JPH3: variants seen among roughly 807,000 people sequenced by gnomAD.
JPH3 encodes junctophilin-3.
A neutral mutation model predicts 59.6 loss-of-function variants in JPH3; 11 were observed. The ratio of observed to expected loss-of-function variants is 0.18; its 90% CI spans 0.12 to 0.31. The LOEUF (loss-of-function observed/expected upper bound fraction) is 0.31. JPH3 is among the 10% of genes least tolerant of loss of function. The pLI is 1.00. For synonymous variants in JPH3, 673 were observed against 483.6 expected, an observed-to-expected ratio of 1.39 and a Z score of -5.14; for missense variants, 1,202 against 1,105.7, an observed-to-expected ratio of 1.09 and a Z score of -1.24.
At chr16:87,606,296 G>A (rs1475478884) in intron 1 of JPH3, among the ~76,000 whole-genome samples, 4 of 152,260 alleles carry the variant, frequency 2.6e-5, no homozygotes, top group Admixed American at 2.0e-4. Flanking sequence ...AGCTCTGGGC[G>A]CTGACTTGGG....
Position 87,644,575 on chromosome 16 carries a change from C to G in JPH3, c.700C>G (p.Leu234Val), listed in dbSNP as rs1200012704. The change falls in exon 2 of 5, where the codon CTG (leucine) becomes GTG (valine). Residue 234 changes from leucine (L) to valine (V), a missense_variant. Leu to Val is a conservative substitution (Grantham distance 32). Transcript: ENST00000284262. ...GCGCAAGTCGGAGTCCAAGAGCAGC[C>G]TGGCCAGCCAACGCAGCAAGCAGAG... ...KLRKSESKSS[L>V]ASQRSKQSSF... 1 of 1,612,936 alleles carries G rather than the reference C, an allele frequency of 6.2e-7. No individual in the cohort carries two copies.
In JPH3 at chr16:87,696,918, C is replaced by A. The variant is rs556130391; in HGVS notation, c.*258C>A. The stretch of plus-strand genomic sequence containing the variant: ...TGGCAGAAGGAGGCCAGCACGCAGC[C>A]CCTCCAGCTCCACGTGGAGACAGAA... On this transcript the variant is annotated 3_prime_UTR_variant, in exon 5 of 5. Transcript: ENST00000284262. 1 of 463,750 alleles carries A rather than the reference C, an allele frequency of 2.2e-6. No homozygotes were observed. The highest frequency in any genetic ancestry group is 2.1e-5 in the South Asian group (1 of 46,704). The allele number at this position is 463,750 out of a possible 1,614,324, so 28.7% of individuals were successfully genotyped here. A position where few individuals can be genotyped will look rare whatever the true frequency, so the allele number is the denominator to read the frequency against.
At chr16:87,655,797 G>C (rs1228768134) in intron 2 of JPH3, among the ~76,000 whole-genome samples, 1 of 152,252 alleles carries the variant, frequency 6.6e-6, no homozygotes, top group Non-Finnish European at 1.5e-5. Flanking sequence ...GCCATCTCAT[G>C]GTCCCTGCGT....
intron 4 of JPH3, 104 bp downstream of exon 4, chr16:87,690,630 C>T: frequency 9.8e-6 from 12 of 1,218,860 alleles, no homozygotes; most frequent in Admixed American, 3.5e-5. Context: ...CTCCCCTGTT[C>T]CTCTCCAGGG....
intron 2 of JPH3, among the ~76,000 whole-genome samples, chr16:87,650,944 G>A (rs1467301345): frequency 6.6e-6 from 1 of 152,256 alleles, no homozygotes; most frequent in African/African-American, 2.4e-5. Flanking sequence ...CGATGGAACA[G>A]CTTTCTATTG....
rs140676785 is a variant in JPH3, at chr16:87,644,688, C to G, written c.813C>G (p.Ala271=). 1 of 1,612,096 alleles carries G rather than the reference C, an allele frequency of 6.2e-7. No individual in the cohort carries two copies. The highest frequency in any genetic ancestry group is 8.5e-7 in the Non-Finnish European group (1 of 1,179,918). Residue 271 remains alanine, a synonymous_variant, in exon 2 of 5, where the codon GCC becomes GCG. Transcript: ENST00000284262. ...CCATCAGCCTGGGCGAGGCTGAGGCCGAGCTGGCGGTCATCGAGGACGACA... is the reference window on the plus strand; with the variant it reads ...CCATCAGCCTGGGCGAGGCTGAGGCGGAGCTGGCGGTCATCGAGGACGACA... ...HSTISLGEAE[A]ELAVIEDDID... is the part of the protein sequence containing the mutation.
At chr16:87,605,476 C>G (rs912552749) in intron 1 of JPH3, among the ~76,000 whole-genome samples, 3 of 152,188 alleles carry the variant, frequency 2.0e-5, no homozygotes, top group Non-Finnish European at 4.4e-5. Context: ...TTTGCCCTCA[C>G]GGAGCTTACA....
intron 1 of JPH3, among the ~76,000 whole-genome samples, chr16:87,618,388 G>A (rs1371210417): frequency 6.6e-6 from 1 of 152,152 alleles, no homozygotes; most frequent in East Asian, 1.9e-4. Context: ...GGCAGGATGA[G>A]GACACAACAC....
chr16:87,632,885 T>G (rs569326165), intron 1 of JPH3, among the ~76,000 whole-genome samples: 26 of 150,218 alleles, frequency 1.7e-4, no homozygotes, highest in African/African-American at 6.0e-4. Context: ...AGAGCTGGAC[T>G]CTGTCTCAAA....
chr16:87,647,350 C>T lies in JPH3; in HGVS notation c.1160+2315C>T, dbSNP rs567531136. 2.6e-5 allele frequency among the ~76,000 whole-genome samples: 4 copies of T among 152,018 alleles called. No homozygotes were observed. The South Asian group carries it at 8.3e-4, about 32-fold the overall frequency. On this transcript the variant is annotated intron_variant, in intron 2 of 4. Coordinates refer to ENST00000284262, the MANE Select transcript of JPH3 (RefSeq NM_020655.4). ...TGGCATGGCCAGCATCCCTGTGTCT[C>T]CTGGGGAGGCATTTTACTTAATGGA... is the stretch of plus-strand genomic sequence containing the variant.
At chr16:87,633,779 C>T (rs1835078) in intron 1 of JPH3, among the ~76,000 whole-genome samples, 25,863 of 151,834 alleles carry the variant, frequency 0.17, 2,447 homozygotes, top group Non-Finnish European at 0.22. Flanking sequence ...GCCTGGGCGA[C>T]AGAATGAGAC....
At chr16:87,651,932 G>T (rs2032335646) in intron 2 of JPH3, among the ~76,000 whole-genome samples, 1 of 152,132 alleles carries the variant, frequency 6.6e-6, no homozygotes, top group Non-Finnish European at 1.5e-5. Context: ...GAAATCTTTT[G>T]TGAAAGGAAG....
At chr16:87,669,291 C>A (rs899152443) in intron 2 of JPH3, among the ~76,000 whole-genome samples, 1 of 152,180 alleles carries the variant, frequency 6.6e-6, no homozygotes, top group Non-Finnish European at 1.5e-5. Flanking sequence ...GATGGGGTTG[C>A]TGAGTGAGGC....
At chr16:87,658,207 G>T (rs2032571855) in intron 2 of JPH3, among the ~76,000 whole-genome samples, 1 of 152,168 alleles carries the variant, frequency 6.6e-6, no homozygotes, top group Non-Finnish European at 1.5e-5. Context: ...CTACTATAGC[G>T]ACCTCCTGAG....
At position 87,696,565 on chromosome 16, in the gene JPH3, C is replaced by G; in HGVS notation, c.2167-15C>G. On this transcript the variant is annotated splice_polypyrimidine_tract_variant and intron_variant, in intron 4 of 4. Transcript: ENST00000284262. Reference sequence around the variant, plus strand: ...CCGCAGCTGTCGCTCACCTCTTCCCCTCGCTCTCTTCCAGGGCTCAGCGCC... The same window carrying G: ...CCGCAGCTGTCGCTCACCTCTTCCCGTCGCTCTCTTCCAGGGCTCAGCGCC... The G allele has an allele frequency of 6.2e-7, 1 of 1,611,390 alleles. No individual in the cohort carries two copies. The highest frequency in any genetic ancestry group is 1.1e-5 in the South Asian group (1 of 91,052).
At position 87,644,596 on chromosome 16, in the gene JPH3, C is replaced by G. The variant is rs1304207588; in HGVS notation, c.721C>G (p.Gln241Glu). The part of the protein sequence containing the change: ...KSSLASQRSK[Q>E]SSFRSEAGMS... ...CAGCCTGGCCAGCCAACGCAGCAAG[C>G]AGAGCTCCTTTCGCAGCGAGGCGGG... Residue 241 changes from glutamine to glutamate, a missense_variant, in exon 2 of 5, where the codon CAG (glutamine) becomes GAG (glutamate). By Grantham distance (29) the Gln-to-Glu change is conservative (BLOSUM62 2). Transcript: ENST00000284262. The G allele has an allele frequency of 6.2e-7, 1 of 1,612,992 alleles. No homozygotes were observed. Among genetic ancestry groups the G allele is most frequent in the Non-Finnish European group, 8.5e-7 (1 of 1,179,882 alleles).
At chr16:87,638,689 G>C (rs1312013714) in intron 1 of JPH3, among the ~76,000 whole-genome samples, 1 of 152,114 alleles carries the variant, frequency 6.6e-6, no homozygotes, top group Admixed American at 6.5e-5. Flanking sequence ...TGCTGAGAAT[G>C]AGCCAGTGTT....
intron 1 of JPH3, among the ~76,000 whole-genome samples, chr16:87,620,747 G>A (rs749146864): frequency 2.0e-5 from 3 of 152,214 alleles, no homozygotes; most frequent in East Asian, 1.9e-4. Context: ...CCAGAGATGC[G>A]GCAAATTTCC....
In JPH3 at chr16:87,689,766, A is replaced by G; in HGVS notation, c.1406A>G (p.Asp469Gly). ...TACCGCAAGGGCACCACTCCCTCCG[A>G]CCTGACCCCCGACGACAGCCCCCTG... ...ELYRKGTTPS[D>G]LTPDDSPLQS... Residue 469 changes from aspartate (D) to glycine (G), a missense_variant, in exon 4 of 5, where the codon GAC (aspartate) becomes GGC (glycine). Asp to Gly is a moderately conservative substitution (Grantham distance 94). Transcript: ENST00000284262. 6.2e-7 allele frequency: 1 copy of G among 1,610,976 alleles called. No individual in the cohort carries two copies. The highest frequency in any genetic ancestry group is 1.1e-5 in the South Asian group (1 of 90,914).
Sources: gnomAD v4.1 joint callset for allele counts (sites outside exome capture counted in the v4.1 genomes callset) on GRCh38, gnomAD v4.1.1 for gene constraint, MANE v1.5 for transcripts, NCBI Gene and HGNC (gene_info 2026-07-23, HGNC 2026-07-21) for gene names.